LAMB2: variants seen among roughly 807,000 people sequenced by gnomAD.
LAMB2 encodes the protein laminin subunit beta 2.
A neutral mutation model predicts 202.7 loss-of-function variants in LAMB2; 119 were observed. The ratio of observed to expected loss-of-function variants is 0.59; its 90% CI spans 0.51 to 0.68. The LOEUF (loss-of-function observed/expected upper bound fraction) is 0.68. LAMB2 is among the 30% of genes least tolerant of loss of function. The pLI is 0.00. For synonymous variants in LAMB2, 818 were observed against 902.2 expected (o/e 0.91, Z 1.67); for missense variants, 2,124 against 2,410.6 (o/e 0.88, Z 2.49).
In LAMB2 at chr3:49,124,197, C is replaced by G. The variant is rs758928961; in HGVS notation, c.3417G>C (p.Gln1139His). 1 of 1,614,076 alleles carries G rather than the reference C, an allele frequency of 6.2e-7. No homozygotes were observed. Among genetic ancestry groups the G allele is most frequent in the African/African-American group, 1.3e-5 (1 of 75,074 alleles). The change falls in exon 23 of 32, where the codon CAG becomes CAC. Residue 1139 changes from glutamine (Q) to histidine (H), a missense_variant. Coordinates refer to ENST00000305544, the MANE Select transcript of LAMB2 (RefSeq NM_002292.4). Reference protein sequence around the residue: ...QELHWGDPGLQCHACDCDSRG... With the variant: ...QELHWGDPGLHCHACDCDSRG... ...CCCCGCTGGCTCCCTCACCATGGCACTGCAACCCAGGGTCTCCCCAGTGGA... is the reference window on the plus strand; with the variant it reads ...CCCCGCTGGCTCCCTCACCATGGCAGTGCAACCCAGGGTCTCCCCAGTGGA...
chr3:49,129,836 T>TA lies in LAMB2; in HGVS notation c.1405+2dup, dbSNP rs1308031240. ...CATAGAAGTTAGGGCAGGAGACACA[T>TA]ACGCCGGCAGCCCAGACGGTCACTG... is the stretch of plus-strand genomic sequence containing the variant. On this transcript the variant is annotated splice_region_variant and intron_variant, in intron 10 of 31. Coordinates refer to ENST00000305544, the MANE Select transcript of LAMB2 (RefSeq NM_002292.4). This position sits in a 1 kb window ranked among gnomAD's most constrained non-coding sequence, Gnocchi z 6.1. 6.2e-7 allele frequency: 1 copy of TA among 1,613,524 alleles called. No individual in the cohort carries two copies. The highest frequency in any genetic ancestry group is 1.1e-5 in the South Asian group (1 of 91,074).
rs1187222968 is a variant in LAMB2 at position 49,125,333 on chromosome 3, A to G, written c.2640T>C (p.Asn880=). ...GGGTGTTGCACTCATCTGCATGCCC[A>G]TTGCAGACACATGGCCGGCAGCTAG... ...GFPSCRPCVC[N]GHADECNTHT... Residue 880 remains asparagine (N), a synonymous_variant, in exon 19 of 32, where the codon AAT becomes AAC. Transcript: ENST00000305544. 4.3e-6 allele frequency: 7 copies of G among 1,613,960 alleles called. No homozygotes were observed. The highest frequency in any genetic ancestry group is 5.9e-6 in the Non-Finnish European group (7 of 1,180,056).
chr3:49,124,008 A>G lies in LAMB2; in HGVS notation c.3517T>C (p.Cys1173Arg). The G allele has an allele frequency of 6.2e-7, 1 of 1,613,588 alleles. No homozygotes were observed. Among genetic ancestry groups the G allele is most frequent in the Non-Finnish European group, 8.5e-7 (1 of 1,180,036 alleles). Residue 1173 changes from cysteine to arginine, a missense_variant, in exon 24 of 32, where the codon TGT (cysteine) becomes CGT (arginine). Physicochemically the swap from Cys to Arg is radical, Grantham distance 180. This residue lies in a region of LAMB2 where 1,702 missense variants were observed against 1,896.3 expected (regional missense o/e 0.90). Coordinates refer to ENST00000305544, the MANE Select transcript of LAMB2 (RefSeq NM_002292.4). ...GAGAAGCCACGGGCACACTGGTCAC[A>G]GCGCACACCAGACACCCCTGGGCGG... ...SCRPGVSGVR[C>R]DQCARGFSGI...
chr3:49,125,533 G>A, intron 18 of LAMB2, 49 bp from the exon 19 acceptor site: 2 of 1,500,928 alleles, frequency 1.3e-6, no homozygotes, highest in Non-Finnish European at 1.8e-6. Flanking sequence ...GGGTCTGAGG[G>A]GAGTGTGGGT....
In LAMB2 at chr3:49,129,929, G is replaced by A. The variant is rs1296913404; in HGVS notation, c.1315C>T (p.Arg439Cys). Residue 439 changes from arginine (R) to cysteine (C), a missense_variant, in exon 10 of 32, where the codon CGC becomes TGC. Physicochemically the swap from Arg to Cys is radical, Grantham distance 180 (BLOSUM62 -3). Coordinates refer to ENST00000305544, the MANE Select transcript of LAMB2 (RefSeq NM_002292.4). This position sits in a 1 kb window ranked among gnomAD's most constrained non-coding sequence, Gnocchi z 6.1. ...PALGLVSGQC[R>C]CKEHVVGTRC... ...GTGCCCACCACATGTTCTTTGCAGC[G>A]ACACTGGCCGGAGACCAGTCCCAGT... 5.6e-6 allele frequency: 9 copies of A among 1,614,008 alleles called. No individual in the cohort carries two copies. The highest frequency in any genetic ancestry group is 1.1e-5 in the South Asian group (1 of 91,068).
At position 49,121,244 on chromosome 3, in the gene LAMB2, G is replaced by C. The variant is rs11550620; in HGVS notation, c.5379C>G (p.Ile1793Met). The C allele has an allele frequency of 2.1e-4, 344 of 1,612,160 alleles. No individual in the cohort carries two copies. Among genetic ancestry groups the C allele is most frequent in the Non-Finnish European group, 2.5e-4 (297 of 1,180,034 alleles). ...GCAGGGGTCACTGGCAGGTGTTGTA[G>C]ATCTGCACCTGCAAGTTGATGGCTT... ...VLQAINLQVQIYNTCQ is the reference protein window; with the variant it reads ...VLQAINLQVQMYNTCQ The change falls in exon 32 of 32, where the codon ATC becomes ATG. Residue 1793 changes from isoleucine (I) to methionine (M), a missense_variant. By Grantham distance (10) the Ile-to-Met change is conservative. This residue lies in a region of LAMB2 where 1,702 missense variants were observed against 1,896.3 expected (regional missense o/e 0.90). Coordinates refer to ENST00000305544, the MANE Select transcript of LAMB2 (RefSeq NM_002292.4).
At chr3:49,124,319 T>TA in intron 22 of LAMB2, 33 bp from the exon 23 acceptor site, 1 of 1,613,458 alleles carries the variant, frequency 6.2e-7, no homozygotes, top group Admixed American at 1.7e-5. Flanking sequence ...TCAGAGCCTC[T>TA]ATAAGAGGCT....
In LAMB2 at chr3:49,132,460, ACTCGGCGTCACACC is replaced by A; in HGVS notation, c.249+17_249+30del. 1 of 1,614,096 alleles carries A rather than the reference ACTCGGCGTCACACC, an allele frequency of 6.2e-7. No homozygotes were observed. The highest frequency in any genetic ancestry group is 8.5e-7 in the Non-Finnish European group (1 of 1,179,988). On this transcript the variant is annotated intron_variant, in intron 2 of 31. Transcript: ENST00000305544. This position sits in a 1 kb window ranked among gnomAD's most constrained non-coding sequence, Gnocchi z 4.6. ...CTCAGGCAGTGCCAGCCCCACCCTG[ACTCGGCGTCACACC>A]CTGTCCCCAGCCACACCTGCAGGTG...
rs769447894 is a variant in LAMB2 at position 49,125,848 on chromosome 3, T to C, written c.2387A>G (p.Asn796Ser). 18 of 1,613,602 alleles carry C rather than the reference T, an allele frequency of 1.1e-5. No individual in the cohort carries two copies. Among genetic ancestry groups the C allele is most frequent in the Admixed American group, 5.0e-5 (3 of 59,952 alleles). Reference sequence around the variant, plus strand: ...GCACAGGCACTGACCACCATGAGGGTTGCACTCAGAACTCAGTGAACCTTG... The same window carrying C: ...GCACAGGCACTGACCACCATGAGGGCTGCACTCAGAACTCAGTGAACCTTG... ...NPQGSLSSEC[N>S]PHGGQCLCKP... Residue 796 changes from asparagine (N) to serine (S), a missense_variant, in exon 18 of 32, where the codon AAC becomes AGC. By Grantham distance (46) the Asn-to-Ser change is conservative. This residue lies in a region of LAMB2 where 1,702 missense variants were observed against 1,896.3 expected (regional missense o/e 0.90). Transcript: ENST00000305544.
chr3:49,130,869 G>A lies in LAMB2; in HGVS notation c.916-9C>T, dbSNP rs760442143. 1 of 1,614,178 alleles carries A rather than the reference G, an allele frequency of 6.2e-7. No homozygotes were observed. Among genetic ancestry groups the A allele is most frequent in the South Asian group, 1.1e-5 (1 of 91,086 alleles). ...ATGCAAGCTCCGTGCACCTATAGAG[G>A]TTGGCAGGTAGGTTGTCAGCACTGC... On this transcript the variant is annotated splice_polypyrimidine_tract_variant and intron_variant, in intron 7 of 31. Transcript: ENST00000305544. This position sits in a 1 kb window ranked among gnomAD's most constrained non-coding sequence, Gnocchi z 5.0.
At position 49,130,245 on chromosome 3, in the gene LAMB2, G is replaced by A. The variant is rs760505149; in HGVS notation, c.1211C>T (p.Pro404Leu). The stretch of plus-strand genomic sequence containing the variant: ...CCCAGCCTCACAGCGGCACACAGCC[G>A]GATCCCGCAGGTCCTTGGTTGGGTC... ...YRDPTKDLRD[P>L]AVCRSCDCDP... The change falls in exon 9 of 32, where the codon CCG becomes CTG. Residue 404 changes from proline to leucine, a missense_variant. Physicochemically the swap from Pro to Leu is moderately conservative, Grantham distance 98. Transcript: ENST00000305544. The surrounding 1 kb of genome is among the most constrained non-coding windows in gnomAD (Gnocchi z 5.0). The A allele has an allele frequency of 1.6e-5, 26 of 1,614,072 alleles. No homozygotes were observed. Among genetic ancestry groups the A allele is most frequent in the South Asian group, 3.3e-5 (3 of 91,088 alleles).
Position 49,132,717 on chromosome 3 carries a change from T to A in LAMB2, c.77-54A>T. On this transcript the variant is annotated intron_variant, in intron 1 of 31. Coordinates refer to ENST00000305544, the MANE Select transcript of LAMB2 (RefSeq NM_002292.4). The surrounding 1 kb of genome is among the most constrained non-coding windows in gnomAD (Gnocchi z 4.6). ...TGAGTTCCTATCCAGTGGCTCCACC[T>A]CATGTGCCCCAAGGGCAACTACCAG... The A allele has an allele frequency of 6.2e-7, 1 of 1,613,614 alleles. No homozygotes were observed. The highest frequency in any genetic ancestry group is 8.5e-7 in the Non-Finnish European group (1 of 1,179,570).
chr3:49,128,524 T>C lies in LAMB2; in HGVS notation c.1952A>G (p.His651Arg). The C allele has an allele frequency of 6.2e-7, 1 of 1,614,204 alleles. No individual in the cohort carries two copies. Among genetic ancestry groups the C allele is most frequent in the East Asian group, 2.2e-5 (1 of 44,894 alleles). Residue 651 changes from histidine to arginine, a missense_variant, in exon 15 of 32, where the codon CAC becomes CGC. His to Arg is a conservative substitution (Grantham distance 29, BLOSUM62 0). Around this residue, in one of 3 missense-constraint regions of LAMB2, gnomAD observed 1,702 missense variants for 1,896.3 expected, o/e 0.90. Transcript: ENST00000305544. ...GGGCACCAAATGCCCACACAGGCTG[T>C]GGGCAGGCACAGGCCCTGGACGCTG... ...IVQRPGPVPAHSLCGHLVPKD... is the reference protein window; with the variant it reads ...IVQRPGPVPARSLCGHLVPKD...
rs1333823071 is a variant in LAMB2, at chr3:49,129,746, G to A, written c.1406-30C>T. 6.2e-7 allele frequency: 1 copy of A among 1,608,370 alleles called. No individual in the cohort carries two copies. The highest frequency in any genetic ancestry group is 2.2e-5 in the East Asian group (1 of 44,842). ...AGGGAAGGAGAACCATCAGCACTTT[G>A]GGAAACTGTGGCAGTGCTCATGTTC... On this transcript the variant is annotated intron_variant, in intron 10 of 31. Coordinates refer to ENST00000305544, the MANE Select transcript of LAMB2 (RefSeq NM_002292.4). This position sits in a 1 kb window ranked among gnomAD's most constrained non-coding sequence, Gnocchi z 6.1.
At position 49,123,748 on chromosome 3, in the gene LAMB2, C is replaced by T; in HGVS notation, c.3777G>A (p.Val1259=). ...CGCACCGCAGCTCCTCTGTGGCCTC[C>T]ACAAGCTGTGCAGTGGAGGCGGCTG... is the stretch of plus-strand genomic sequence containing the variant. ...NTSAASTAQL[V]EATEELRREI... The change falls in exon 24 of 32, where the codon GTG becomes GTA. Residue 1259 remains valine, a synonymous_variant. Coordinates refer to ENST00000305544, the MANE Select transcript of LAMB2 (RefSeq NM_002292.4). 6.2e-7 allele frequency: 1 copy of T among 1,613,480 alleles called. No homozygotes were observed. Among genetic ancestry groups the T allele is most frequent in the Non-Finnish European group, 8.5e-7 (1 of 1,180,042 alleles).
chr3:49,124,074 C>T lies in LAMB2; in HGVS notation c.3451G>A (p.Asp1151Asn), dbSNP rs1269139986. 3.1e-6 allele frequency: 5 copies of T among 1,613,868 alleles called. No individual in the cohort carries two copies. The highest frequency in any genetic ancestry group is 4.2e-6 in the Non-Finnish European group (5 of 1,180,048). The change falls in exon 24 of 32, where the codon GAT becomes AAT. Residue 1151 changes from aspartate to asparagine, a missense_variant. Physicochemically the swap from Asp to Asn is conservative, Grantham distance 23. Transcript: ENST00000305544. ...GTGAAGCGGTGACACTGAGGTGTAT[C>T]TATTCCACGAGAGTCACAATCACAG... ...HACDCDSRGI[D>N]TPQCHRFTGH...
rs1223289174 is a variant in LAMB2, at chr3:49,124,758, G to C, written c.3052C>G (p.His1018Asp). The change falls in exon 21 of 32, where the codon CAC (histidine) becomes GAC (aspartate). Residue 1018 changes from histidine (H) to aspartate (D), a missense_variant. His to Asp is a moderately conservative substitution (Grantham distance 81). Around this residue, in one of 3 missense-constraint regions of LAMB2, gnomAD observed 1,702 missense variants for 1,896.3 expected, o/e 0.90. Coordinates refer to ENST00000305544, the MANE Select transcript of LAMB2 (RefSeq NM_002292.4). ...LRCLHHTEGP[H>D]CAHCKPGFHG... The stretch of plus-strand genomic sequence containing the variant: ...AAGCCAGGCTTGCAGTGGGCACAGT[G>C]TGGACCCTCTGTGTGGTGTAAACAG... 4 of 1,614,206 alleles carry C rather than the reference G, an allele frequency of 2.5e-6. No homozygotes were observed. The highest frequency in any genetic ancestry group is 8.5e-7 in the Non-Finnish European group (1 of 1,180,040).
At position 49,131,065 on chromosome 3, in the gene LAMB2, C is replaced by T. The variant is rs772368832; in HGVS notation, c.800G>A (p.Arg267Gln). Residue 267 changes from arginine to glutamine, a missense_variant, in exon 7 of 32, where the codon CGA (arginine) becomes CAA (glutamine). Physicochemically the swap from Arg to Gln is conservative, Grantham distance 43. This residue lies in a region of LAMB2 where 256 missense variants were observed against 356.1 expected (regional missense o/e 0.72). Coordinates refer to ENST00000305544, the MANE Select transcript of LAMB2 (RefSeq NM_002292.4). This position sits in a 1 kb window ranked among gnomAD's most constrained non-coding sequence, Gnocchi z 5.0. ...DNLLDPRREI[R>Q]EKYYYALYEL... is the part of the protein sequence containing the mutation. ...ATAGAGGGCATAGTAGTACTTCTCTCGGATCTCCCTCCGTGGGTCGAGTAG... is the reference window on the plus strand; with the variant it reads ...ATAGAGGGCATAGTAGTACTTCTCTTGGATCTCCCTCCGTGGGTCGAGTAG... The T allele has an allele frequency of 1.5e-5, 25 of 1,613,848 alleles. No individual in the cohort carries two copies. The highest frequency in any genetic ancestry group is 1.6e-4 in the Middle Eastern group (1 of 6,062).
Position 49,130,394 on chromosome 3 carries a change from G to A in LAMB2, c.1062C>T (p.His354=), listed in dbSNP as rs754542628. The A allele has an allele frequency of 3.1e-6, 5 of 1,614,052 alleles. No individual in the cohort carries two copies. The South Asian group carries it at 5.5e-5, about 18-fold the overall frequency. Residue 354 remains histidine, a synonymous_variant, in exon 9 of 32, where the codon CAC becomes CAT. Coordinates refer to ENST00000305544, the MANE Select transcript of LAMB2 (RefSeq NM_002292.4). This position sits in a 1 kb window ranked among gnomAD's most constrained non-coding sequence, Gnocchi z 5.0. Reference sequence around the variant, plus strand: ...ATACGGCCATGTCGAAGTGGCAGCTGTGGGTGTGCCCATGGCACTCACACT... The same window carrying A: ...ATACGGCCATGTCGAAGTGGCAGCTATGGGTGTGCCCATGGCACTCACACT... The part of the protein sequence containing the change: ...CRKCECHGHT[H]SCHFDMAVYL...
Sources: gnomAD v4.1 joint callset for allele counts on GRCh38, gnomAD v4.1.1 for gene constraint, gnomAD v4.1.1 regional missense constraint, Gnocchi (gnomAD v3.1) non-coding constraint, MANE v1.5 for transcripts, NCBI Gene and HGNC (gene_info 2026-07-23, HGNC 2026-07-21) for gene names.